Variants in ELAPOR2 observed in about 807,000 individuals in gnomAD.
ELAPOR2 encodes endosome/lysosome-associated apoptosis and autophagy regulator family member 2.
In ELAPOR2, 89 loss-of-function variants were observed where a neutral mutation model predicts 120.7. The observed-to-expected ratio is 0.74, with a 90% CI of 0.62 to 0.88. The LOEUF (loss-of-function observed/expected upper bound fraction) is 0.88, where lower values mean the gene tolerates loss of function less well. ELAPOR2 is among the 40% of genes least tolerant of loss of function. ELAPOR2 has a pLI of 0.00. For missense variants in ELAPOR2, 1,134 were observed against 1,251.6 expected, an observed-to-expected ratio of 0.91 and a Z score of 1.42; for synonymous variants, 444 against 444.9, an observed-to-expected ratio of 1.00 and a Z score of 0.03.
At chr7:86,995,932 ATTCT>A (rs1793107176) in intron 1 of ELAPOR2, among the ~76,000 whole-genome samples, 1 of 152,256 alleles carries the variant, frequency 6.6e-6, no homozygotes, top group Admixed American at 6.5e-5. Flanking sequence ...TATAAGATAT[ATTCT>A]CCATGTTACA....
At position 86,998,632 on chromosome 7, in the gene ELAPOR2, C is replaced by G. The variant is rs1006671412; in HGVS notation, c.190-33608G>C. Among the ~76,000 whole-genome samples the G allele has an allele frequency of 2.0e-5, 3 of 152,230 alleles. No homozygotes were observed. In the East Asian group the frequency reaches 5.8e-4, roughly 29 times the overall value. ...ATACCAATAGCTGCATAAATTTCAC[C>G]CCGGTCATGACAATGAAAAATGTCT... On this transcript the variant is annotated intron_variant, in intron 1 of 21. Coordinates refer to ENST00000450689, the MANE Select transcript of ELAPOR2 (RefSeq NM_001142749.3).
chr7:87,051,882 G>A (rs1795112642), intron 1 of ELAPOR2, among the ~76,000 whole-genome samples: 1 of 152,192 alleles, frequency 6.6e-6, no homozygotes, highest in Non-Finnish European at 1.5e-5. Flanking sequence ...TCTTCTATCA[G>A]GCTATGATCT....
At chr7:86,962,073 C>G (rs1791734595) in intron 2 of ELAPOR2, among the ~76,000 whole-genome samples, 1 of 152,158 alleles carries the variant, frequency 6.6e-6, no homozygotes, top group Admixed American at 6.5e-5. Flanking sequence ...CCCCAGGGTT[C>G]TAGAACAACA....
At chr7:86,998,786 C>T (rs971836081) in intron 1 of ELAPOR2, among the ~76,000 whole-genome samples, 2 of 151,594 alleles carry the variant, frequency 1.3e-5, no homozygotes, top group African/African-American at 4.8e-5. Flanking sequence ...ATCAATTTTT[C>T]ATAAACCAAA....
At chr7:87,029,274 C>T (rs1393703371) in intron 1 of ELAPOR2, among the ~76,000 whole-genome samples, 1 of 152,172 alleles carries the variant, frequency 6.6e-6, no homozygotes, top group East Asian at 1.9e-4. Flanking sequence ...CAAATGGATA[C>T]CACATGGCCT....
chr7:86,926,693 C>T (rs754673683), intron 9 of ELAPOR2, 43 bp downstream of exon 9: 3 of 1,523,458 alleles, frequency 2.0e-6, no homozygotes, highest in African/African-American at 1.4e-5. Flanking sequence ...CCAACAAGAT[C>T]ATTTTGCTAA....
intron 1 of ELAPOR2, among the ~76,000 whole-genome samples, chr7:86,966,857 C>T (rs2116491661): frequency 6.6e-6 from 1 of 152,282 alleles, no homozygotes. Context: ...TGCCCTGTGG[C>T]TTCATCACTC....
chr7:86,903,341 T>C (rs1788807860), intron 18 of ELAPOR2, among the ~76,000 whole-genome samples: 1 of 152,210 alleles, frequency 6.6e-6, no homozygotes, highest in East Asian at 1.9e-4. Flanking sequence ...GCCTTTTTAC[T>C]TTTTAATATT....
intron 2 of ELAPOR2, 33 bp from the exon 3 acceptor site, chr7:86,947,955 T>A (rs998871893): frequency 7.0e-7 from 1 of 1,436,224 alleles, no homozygotes; most frequent in Non-Finnish European, 9.5e-7. Context: ...ACCCATTACT[T>A]ACCCTCCCAT....
chr7:86,895,115 T>TA lies in ELAPOR2; in HGVS notation c.2686-2016dup, dbSNP rs1352336703. 1.1e-4 allele frequency among the ~76,000 whole-genome samples: 16 copies of TA among 152,214 alleles called. No homozygotes were observed. In the East Asian group the frequency reaches 3.1e-3, roughly 29 times the overall value. On this transcript the variant is annotated intron_variant, in intron 19 of 21. Transcript: ENST00000450689. ...TAGGACTGAAACACAACGGGATGGT[T>TA]AAAAAATGTAAATATACCCATTGCA...
intron 7 of ELAPOR2, among the ~76,000 whole-genome samples, chr7:86,938,560 G>C (rs527916612): frequency 6.6e-6 from 1 of 152,132 alleles, no homozygotes; most frequent in Non-Finnish European, 1.5e-5. Context: ...TTTTAGATTA[G>C]TATAAACATA....
intron 1 of ELAPOR2, among the ~76,000 whole-genome samples, chr7:87,044,515 C>A: frequency 1.4e-5 from 2 of 139,510 alleles, no homozygotes; most frequent in African/African-American, 5.5e-5. Context: ...GAAAGGATTC[C>A]CTATTTAATA....
chr7:86,983,557 C>A (rs2116564763), intron 1 of ELAPOR2, among the ~76,000 whole-genome samples: 1 of 152,298 alleles, frequency 6.6e-6, no homozygotes, highest in East Asian at 1.9e-4. Flanking sequence ...AAAGAATTTG[C>A]AGCCCAGGAT....
intron 1 of ELAPOR2, among the ~76,000 whole-genome samples, chr7:87,040,136 G>A (rs561711460): frequency 0.014 from 2,125 of 152,114 alleles, 17 homozygotes; most frequent in Non-Finnish European, 0.022. Flanking sequence ...ACGGAGTCTC[G>A]CTGATTGCTA....
intron 1 of ELAPOR2, among the ~76,000 whole-genome samples, chr7:87,026,908 C>T (rs1001373470): frequency 3.9e-5 from 6 of 152,018 alleles, no homozygotes; most frequent in African/African-American, 4.8e-5. Context: ...TCAGGGAGAA[C>T]GGGATACCCA....
chr7:87,055,362 A>G (rs893809582), intron 1 of ELAPOR2, among the ~76,000 whole-genome samples: 1 of 152,144 alleles, frequency 6.6e-6, no homozygotes, highest in Non-Finnish European at 1.5e-5. Context: ...TTGAAGTCCT[A>G]CTACTGCATC....
At chr7:86,919,374 T>C in intron 10 of ELAPOR2, 64 bp from the exon 11 acceptor site, 1 of 916,146 alleles carries the variant, frequency 1.1e-6, no homozygotes, top group Non-Finnish European at 1.7e-6. Flanking sequence ...ACAATCTGTT[T>C]AAATAAGGTA....
intron 18 of ELAPOR2, among the ~76,000 whole-genome samples, chr7:86,906,873 T>A (rs914211604): frequency 6.6e-6 from 1 of 151,750 alleles, no homozygotes; most frequent in Non-Finnish European, 1.5e-5. Context: ...CTACAAAAAA[T>A]TTAAAAATAA....
chr7:86,943,836 C>G (rs1007807425), intron 4 of ELAPOR2, among the ~76,000 whole-genome samples: 3 of 152,026 alleles, frequency 2.0e-5, no homozygotes, highest in Admixed American at 6.6e-5. Context: ...TTAAACTCAT[C>G]AAAAGATATT....
Sources: gnomAD v4.1 joint callset for allele counts (sites outside exome capture counted in the v4.1 genomes callset) on GRCh38, gnomAD v4.1.1 for gene constraint, MANE v1.5 for transcripts, NCBI Gene and HGNC (gene_info 2026-07-23, HGNC 2026-07-21) for gene names.